Variants in UPP2 observed in about 807,000 individuals in gnomAD.
The protein encoded by UPP2 is uridine phosphorylase 2.
Under a neutral mutation model 26.7 loss-of-function variants are expected in UPP2, and 23 were observed. The ratio of observed to expected loss-of-function variants is 0.86; its 90% CI spans 0.62 to 1.22. The LOEUF (loss-of-function observed/expected upper bound fraction) is 1.22. UPP2 is among the 50% of genes most tolerant of loss of function. The probability of loss-of-function intolerance (pLI) is 0.00; values close to 1 mark genes in which losing one functional copy is unlikely to be tolerated. For synonymous variants in UPP2, 127 were observed against 141.3 expected (o/e 0.90, Z 0.72); for missense variants, 387 against 396.7 (o/e 0.98, Z 0.21).
At chr2:158,035,203 G>A (rs1336850828) in intron 3 of UPP2, among the ~76,000 whole-genome samples, 2 of 151,386 alleles carry the variant, frequency 1.3e-5, no homozygotes, top group Non-Finnish European at 2.9e-5. Context: ...TGTCGCCCAG[G>A]CTGGAGTGCA....
chr2:158,123,656 G>A (rs916716660), intron 5 of UPP2, 93 bp from the exon 6 acceptor site: 75 of 1,445,090 alleles, frequency 5.2e-5, no homozygotes, highest in Non-Finnish European at 6.6e-5. Context: ...GTTAGACAGC[G>A]GCAGCGTGCT....
upstream of UPP2, among the ~76,000 whole-genome samples, chr2:158,101,688 A>T (rs1032220341): frequency 6.6e-6 from 1 of 152,222 alleles, no homozygotes; most frequent in African/African-American, 2.4e-5. Flanking sequence ...TGTTTGCAAC[A>T]TCAAACCTGT....
At chr2:158,098,296 A>G (rs371281805), upstream of UPP2, among the ~76,000 whole-genome samples, 42 of 152,292 alleles carry the variant, frequency 2.8e-4, no homozygotes, top group African/African-American at 9.9e-4. Context: ...ATCCCTATCC[A>G]ACTAGGCATA....
At chr2:158,038,960 A>G (rs921349383) in intron 3 of UPP2, among the ~76,000 whole-genome samples, 3 of 152,190 alleles carry the variant, frequency 2.0e-5, no homozygotes, top group African/African-American at 7.2e-5. Context: ...AGCTGCAGGG[A>G]TCTACACACC....
intron 3 of UPP2, among the ~76,000 whole-genome samples, chr2:158,042,358 A>G (rs1398760572): frequency 6.6e-6 from 1 of 152,048 alleles, no homozygotes; most frequent in Non-Finnish European, 1.5e-5. Flanking sequence ...AAGCCATAAC[A>G]TCCCCTGACA....
chr2:157,997,569 C>T (rs1683340252), intron 2 of UPP2, among the ~76,000 whole-genome samples: 1 of 152,166 alleles, frequency 6.6e-6, no homozygotes, highest in Non-Finnish European at 1.5e-5. Context: ...TTCCCAGACA[C>T]ATATATTTTG....
In UPP2 at chr2:158,101,965, G is replaced by T; in HGVS notation, c.-99G>T. On this transcript the variant is annotated 5_prime_UTR_variant, in exon 1 of 7. Transcript: ENST00000005756. ...TAAGAGAGGTTATCATTCTGACTGG[G>T]AACTGAACTATTATGACTAGGTCTA... The T allele has an allele frequency of 6.6e-7, 1 of 1,511,708 alleles. No homozygotes were observed. Among genetic ancestry groups the T allele is most frequent in the South Asian group, 1.4e-5 (1 of 73,758 alleles). The allele number at this position is 1,511,708 out of a possible 1,614,324, so 93.6% of individuals were successfully genotyped here. A position where few individuals can be genotyped will look rare whatever the true frequency, so the allele number is the denominator to read the frequency against.
At position 158,084,542 on chromosome 2, in the gene UPP2, G is replaced by A. The variant is rs186524238; in HGVS notation, c.148-17498G>A. 1.1e-4 allele frequency among the ~76,000 whole-genome samples: 16 copies of A among 152,044 alleles called. 1 individual carries two copies. In the South Asian group the frequency reaches 1.5e-3, roughly 14 times the overall value. Reference sequence around the variant, plus strand: ...CTTTGTTTATGTTGCATTTGCTTTCGGGTTCTTGGTCAAGAAGTCTTTGCC... The same window carrying A: ...CTTTGTTTATGTTGCATTTGCTTTCAGGTTCTTGGTCAAGAAGTCTTTGCC... On this transcript the variant is annotated intron_variant, in intron 3 of 9. Coordinates refer to the UPP2 transcript ENST00000605860.
rs537795650 is a variant in UPP2, at chr2:158,011,165, A to G, written c.62-4636A>G. Among the ~76,000 whole-genome samples the G allele has an allele frequency of 3.9e-5, 6 of 152,076 alleles. No individual in the cohort carries two copies. The East Asian group carries it at 1.2e-3, about 29-fold the overall frequency. ...CTCATACAGAGCGCTGCAATTCCAA[A>G]CCCTTGTGCTGGGGAACACCCTTTG... On this transcript the variant is annotated intron_variant, in intron 2 of 9. Transcript: ENST00000605860.
At chr2:158,109,216 C>A (rs1683259892) in intron 2 of UPP2, among the ~76,000 whole-genome samples, 1 of 152,044 alleles carries the variant, frequency 6.6e-6, no homozygotes, top group Admixed American at 6.5e-5. Context: ...AGATGATAAT[C>A]ATTATTAATA....
At chr2:158,097,680 A>G (rs371670333), upstream of UPP2, among the ~76,000 whole-genome samples, 10 of 152,042 alleles carry the variant, frequency 6.6e-5, no homozygotes, top group East Asian at 1.9e-3. Flanking sequence ...CACTACACCA[A>G]CCCTCGGGGG....
intron 3 of UPP2, among the ~76,000 whole-genome samples, chr2:158,067,899 ATT>A (rs2105184173): frequency 6.9e-6 from 1 of 145,414 alleles, no homozygotes; most frequent in African/African-American, 2.6e-5. Flanking sequence ...TTCAAATGAA[ATT>A]ATATATATTT....
intron 3 of UPP2, among the ~76,000 whole-genome samples, chr2:158,042,706 G>A (rs1684097664): frequency 6.6e-6 from 1 of 152,192 alleles, no homozygotes; most frequent in African/African-American, 2.4e-5. Flanking sequence ...TATAGGAAGA[G>A]AGAGGAAGGC....
intron 3 of UPP2, among the ~76,000 whole-genome samples, chr2:158,060,526 A>G (rs1682336147): frequency 2.6e-5 from 4 of 152,298 alleles, no homozygotes; most frequent in African/African-American, 7.2e-5. Flanking sequence ...CTGATGAGAG[A>G]CACATCTTTT....
At chr2:158,004,843 G>A (rs1683464666) in intron 2 of UPP2, among the ~76,000 whole-genome samples, 1 of 152,118 alleles carries the variant, frequency 6.6e-6, no homozygotes, top group Admixed American at 6.6e-5. Context: ...TATCTTATAA[G>A]GTTTTTGTAA....
chr2:158,036,798 A>G (rs984934472), intron 3 of UPP2, among the ~76,000 whole-genome samples: 2 of 152,182 alleles, frequency 1.3e-5, no homozygotes, highest in Non-Finnish European at 2.9e-5. Flanking sequence ...TAAATCAAAG[A>G]ATGGTGAACA....
intron 3 of UPP2, among the ~76,000 whole-genome samples, chr2:158,045,434 T>C (rs1684138576): frequency 6.6e-6 from 1 of 152,154 alleles, no homozygotes; most frequent in African/African-American, 2.4e-5. Flanking sequence ...AAGGCCAAAC[T>C]TCAAGGGCAG....
intron 3 of UPP2, among the ~76,000 whole-genome samples, chr2:158,049,637 G>A (rs1238229825): frequency 2.0e-5 from 3 of 152,158 alleles, no homozygotes; most frequent in East Asian, 3.8e-4. Context: ...ACAGGCAGCA[G>A]CAATCAGACT....
At chr2:158,117,961 A>G (rs1683477502) in intron 4 of UPP2, 23 bp downstream of exon 4, 6 of 1,565,260 alleles carry the variant, frequency 3.8e-6, no homozygotes, top group Middle Eastern at 1.7e-4. Context: ...GATGTCTACT[A>G]TTAGAACTGA....
Sources: allele counts gnomAD v4.1 joint callset (sites outside exome capture counted in the v4.1 genomes callset), GRCh38; gene constraint gnomAD v4.1.1; transcripts MANE v1.5; gene names NCBI Gene and HGNC (gene_info 2026-07-23, HGNC 2026-07-21).